PGAP4: variants seen among roughly 807,000 people sequenced by gnomAD.
PGAP4 encodes the protein post-GPI attachment to proteins GalNAc transferase 4.
In PGAP4, 12 loss-of-function variants were observed where a neutral mutation model predicts 28.2. That is an observed-to-expected ratio of 0.42 (90% CI 0.27 to 0.69). The LOEUF is 0.69. Ranked by LOEUF, PGAP4 falls within the 30% of genes least tolerant of loss-of-function variation. The probability of loss-of-function intolerance (pLI) is 0.22; values close to 1 mark genes in which losing one functional copy is unlikely to be tolerated. For synonymous variants in PGAP4, 205 were observed against 211.8 expected (o/e 0.97, Z 0.28); for missense variants, 425 against 513.5 (o/e 0.83, Z 1.67).
chr9:101,490,272 C>T (rs1267198826), upstream of PGAP4, among the ~76,000 whole-genome samples: 1 of 152,198 alleles, frequency 6.6e-6, no homozygotes, highest in African/African-American at 2.4e-5. Flanking sequence ...TCACTGCAAC[C>T]TTCACTTCCC....
At chr9:101,512,401 T>C (rs1177888918) in intron 2 of PGAP4, among the ~76,000 whole-genome samples, 4 of 152,162 alleles carry the variant, frequency 2.6e-5, no homozygotes, top group East Asian at 3.9e-4. Flanking sequence ...AGTAACCTGA[T>C]GTTAACCAAT....
chr9:101,514,065 T>C (rs537832516), intron 2 of PGAP4, among the ~76,000 whole-genome samples: 3 of 152,092 alleles, frequency 2.0e-5, no homozygotes, highest in Non-Finnish European at 4.4e-5. Context: ...CCTGCCCACA[T>C]TGAAGGTGAA....
At chr9:101,487,618 T>A (rs1046941825), upstream of PGAP4, among the ~76,000 whole-genome samples, 12 of 152,216 alleles carry the variant, frequency 7.9e-5, no homozygotes, top group African/African-American at 2.4e-4. Flanking sequence ...CACCTTGGAC[T>A]TTCCCTTCTG....
At chr9:101,506,298 CTT>C (rs1189108226) in intron 2 of PGAP4, among the ~76,000 whole-genome samples, 1 of 152,084 alleles carries the variant, frequency 6.6e-6, no homozygotes, top group African/African-American at 2.4e-5. Context: ...TCGAGGCACT[CTT>C]TTTACTTTAC....
At chr9:101,521,764 G>C (rs747894700) in intron 2 of PGAP4, among the ~76,000 whole-genome samples, 1 of 151,856 alleles carries the variant, frequency 6.6e-6, no homozygotes, top group Non-Finnish European at 1.5e-5. Flanking sequence ...GTTTGGGTTT[G>C]GTTTGTTCTT....
chr9:101,527,376 A>G (rs1023391769), intron 2 of PGAP4, among the ~76,000 whole-genome samples: 1 of 152,172 alleles, frequency 6.6e-6, no homozygotes, highest in African/African-American at 2.4e-5. Context: ...ATTTGGCCAT[A>G]TGCCTTTGGG....
chr9:101,505,382 T>C (rs751744767), intron 2 of PGAP4, among the ~76,000 whole-genome samples: 3 of 152,038 alleles, frequency 2.0e-5, no homozygotes, highest in Non-Finnish European at 4.4e-5. Flanking sequence ...TCTAAGAGAT[T>C]ACAAGATTCT....
chr9:101,485,246 C>T (rs2118553366), intron 1 of PGAP4, among the ~76,000 whole-genome samples: 1 of 152,160 alleles, frequency 6.6e-6, no homozygotes, highest in African/African-American at 2.4e-5. Flanking sequence ...TCTCATTACC[C>T]AGGATGATAA....
At chr9:101,477,531 C>T (rs559480430) in intron 1 of PGAP4, among the ~76,000 whole-genome samples, 28 of 151,866 alleles carry the variant, frequency 1.8e-4, no homozygotes, top group Non-Finnish European at 3.1e-4. Context: ...GTTCTTAAAA[C>T]GGGGGCAAAA....
intron 2 of PGAP4, among the ~76,000 whole-genome samples, chr9:101,494,808 T>C (rs895331310): frequency 5.3e-5 from 8 of 151,746 alleles, no homozygotes; most frequent in East Asian, 1.9e-4. Context: ...ACAAGGAAAC[T>C]AGTTATTTTT....
intron 2 of PGAP4, among the ~76,000 whole-genome samples, chr9:101,516,992 TG>T (rs1826949387): frequency 6.6e-6 from 1 of 152,192 alleles, no homozygotes; most frequent in African/African-American, 2.4e-5. Context: ...ACATGCTGAT[TG>T]AAGACTGAAG....
intron 2 of PGAP4, chr9:101,501,694 G>A (rs1588206304): frequency 1.9e-6 from 1 of 518,536 alleles, no homozygotes; most frequent in African/African-American, 1.9e-5. Context: ...CATTCACTGA[G>A]TAGAACTTGT....
rs1461427009 is a variant in PGAP4 at position 101,484,377 on chromosome 9, G to A, written c.-78+2572C>T. On this transcript the variant is annotated intron_variant, in intron 1 of 1. Transcript: ENST00000374848. ...CAGATTTTTAGAGAATCATAAAAGG[G>A]TATGCTGTGGAAATGTTAAGAAGAG... Among the ~76,000 whole-genome samples the A allele has an allele frequency of 1.2e-4, 19 of 152,270 alleles. No homozygotes were observed. In the East Asian group the frequency reaches 3.3e-3, roughly 26 times the overall value.
chr9:101,516,503 G>T (rs543092351), intron 2 of PGAP4, among the ~76,000 whole-genome samples: 1 of 152,118 alleles, frequency 6.6e-6, no homozygotes, highest in African/African-American at 2.4e-5. Flanking sequence ...CTTGCCAAAT[G>T]ATTGGAATTG....
At chr9:101,494,857 G>C (rs1826724309) in intron 2 of PGAP4, among the ~76,000 whole-genome samples, 1 of 151,090 alleles carries the variant, frequency 6.6e-6, no homozygotes, top group Non-Finnish European at 1.5e-5. Context: ...AATCAGGACT[G>C]ACAGCATTAC....
At chr9:101,477,926 G>GC (rs952394408) in intron 1 of PGAP4, among the ~76,000 whole-genome samples, 1 of 152,172 alleles carries the variant, frequency 6.6e-6, no homozygotes, top group Non-Finnish European at 1.5e-5. Flanking sequence ...GGAGCGGGGG[G>GC]GGAAAGGCAG....
intron 2 of PGAP4, among the ~76,000 whole-genome samples, chr9:101,519,211 G>A (rs1826965054): frequency 6.6e-6 from 1 of 152,148 alleles, no homozygotes; most frequent in Non-Finnish European, 1.5e-5. Flanking sequence ...AGGCTGGAGT[G>A]CAATGGTGCA....
intron 2 of PGAP4, among the ~76,000 whole-genome samples, chr9:101,499,080 A>C (rs988157493): frequency 6.6e-6 from 1 of 152,028 alleles, no homozygotes; most frequent in Non-Finnish European, 1.5e-5. Context: ...AAGAGTATTC[A>C]ATCGAAAAAG....
intron 2 of PGAP4, among the ~76,000 whole-genome samples, chr9:101,493,310 C>T (rs1218843763): frequency 6.6e-6 from 1 of 150,558 alleles, no homozygotes; most frequent in Non-Finnish European, 1.5e-5. Context: ...TCTTATCTTT[C>T]AAAGGTAGAC....
Sources: allele counts gnomAD v4.1 joint callset (sites outside exome capture counted in the v4.1 genomes callset), GRCh38; gene constraint gnomAD v4.1.1; transcripts MANE v1.5; gene names NCBI Gene and HGNC (gene_info 2026-07-23, HGNC 2026-07-21).